Variants in TMEM266 observed in about 807,000 individuals in gnomAD.
TMEM266 encodes Hv1 related protein 1.
Under a neutral mutation model 50.5 loss-of-function variants are expected in TMEM266, and 33 were observed. The ratio of observed to expected loss-of-function variants is 0.65; its 90% CI spans 0.50 to 0.87. The LOEUF (loss-of-function observed/expected upper bound fraction) is 0.87. Among genes scored for constraint, TMEM266 ranks in the 40% least tolerant of loss-of-function variants. The pLI is 0.00. For synonymous variants in TMEM266, 310 were observed against 292.3 expected, an observed-to-expected ratio of 1.06 and a Z score of -0.62; for missense variants, 655 against 695.1, an observed-to-expected ratio of 0.94 and a Z score of 0.65.
chr15:76,099,115 C>T (rs146409697), intron 1 of TMEM266, among the ~76,000 whole-genome samples: 191 of 152,204 alleles, frequency 1.3e-3, no homozygotes, highest in African/African-American at 4.3e-3. Context: ...TCGTTCCAGG[C>T]GCCACTGGGG....
At chr15:76,194,626 G>C (rs1178448009) in intron 9 of TMEM266, among the ~76,000 whole-genome samples, 1 of 152,146 alleles carries the variant, frequency 6.6e-6, no homozygotes, top group African/African-American at 2.4e-5. Flanking sequence ...CTTCCCTCTG[G>C]GGGCTGGGAG....
At chr15:76,190,951 C>G (rs985505079) in intron 8 of TMEM266, among the ~76,000 whole-genome samples, 10 of 152,286 alleles carry the variant, frequency 6.6e-5, no homozygotes, top group African/African-American at 2.2e-4. Context: ...GGTGAAGGCT[C>G]TCCTTCCCGC....
At chr15:76,188,799 A>T (rs1468973115) in intron 8 of TMEM266, among the ~76,000 whole-genome samples, 1 of 152,210 alleles carries the variant, frequency 6.6e-6, no homozygotes, top group Non-Finnish European at 1.5e-5. Flanking sequence ...ATCAAGCATG[A>T]TCACAAATAT....
At chr15:76,106,017 C>T (rs1341327750) in intron 1 of TMEM266, among the ~76,000 whole-genome samples, 1 of 152,148 alleles carries the variant, frequency 6.6e-6, no homozygotes, top group East Asian at 1.9e-4. Flanking sequence ...AAACTGCCAC[C>T]CTGTCTAGCA....
intron 7 of TMEM266, 126 bp from the exon 8 acceptor site, chr15:76,175,433 C>T: frequency 1.5e-6 from 1 of 672,790 alleles, no homozygotes; most frequent in Non-Finnish European, 2.6e-6. Context: ...TGGACATTTC[C>T]CCTTCTAGAT....
At chr15:76,109,899 A>T (rs1041121696) in intron 1 of TMEM266, among the ~76,000 whole-genome samples, 7 of 151,630 alleles carry the variant, frequency 4.6e-5, no homozygotes, top group Non-Finnish European at 1.0e-4. Context: ...GCCTCAAGCG[A>T]TCTTCCTGCC....
At chr15:76,164,503 C>T (rs2957042) in intron 5 of TMEM266, among the ~76,000 whole-genome samples, 14,191 of 149,538 alleles carry the variant, frequency 0.095, 783 homozygotes, top group Non-Finnish European at 0.13. Context: ...CCACTGTGTC[C>T]AGCCCCAATT....
At chr15:76,179,952 TAAAACAAAAC>T (rs60596277) in intron 8 of TMEM266, among the ~76,000 whole-genome samples, 17 of 152,072 alleles carry the variant, frequency 1.1e-4, no homozygotes, top group African/African-American at 2.4e-4. Flanking sequence ...AGACTGTCTC[TAAAACAAAAC>T]AAAACAAAAC....
At chr15:76,191,916 G>C (rs906002575) in intron 8 of TMEM266, 52 bp from the exon 9 acceptor site, 2 of 1,494,864 alleles carry the variant, frequency 1.3e-6, no homozygotes, top group Non-Finnish European at 8.9e-7. Context: ...CAGGCTGGAG[G>C]CCCCCGCCGG....
At chr15:76,186,247 G>A (rs896321236) in intron 8 of TMEM266, among the ~76,000 whole-genome samples, 1 of 152,082 alleles carries the variant, frequency 6.6e-6, no homozygotes, top group Admixed American at 6.6e-5. Flanking sequence ...CCCACCTCCG[G>A]GCCTCAGTTC....
chr15:76,086,245 T>G (rs1354716908), intron 1 of TMEM266, among the ~76,000 whole-genome samples: 2 of 152,248 alleles, frequency 1.3e-5, no homozygotes, highest in Admixed American at 6.5e-5. Context: ...TCAGACATTA[T>G]GTTGAGCTGA....
intron 8 of TMEM266, chr15:76,176,122 G>A (rs973430149): frequency 1.9e-5 from 3 of 162,142 alleles, no homozygotes; most frequent in African/African-American, 7.2e-5. Context: ...TCCAGGAGAT[G>A]TGATGCAGAC....
At chr15:76,136,922 C>G (rs540359054) in intron 2 of TMEM266, among the ~76,000 whole-genome samples, 1 of 152,288 alleles carries the variant, frequency 6.6e-6, no homozygotes, top group Non-Finnish European at 1.5e-5. Flanking sequence ...TGCCAAATAT[C>G]CCCTGGTAGA....
At chr15:76,125,520 A>G (rs1427371384) in intron 1 of TMEM266, among the ~76,000 whole-genome samples, 1 of 152,002 alleles carries the variant, frequency 6.6e-6, no homozygotes, top group East Asian at 1.9e-4. Context: ...AATATATAAT[A>G]TATAAGGAAC....
At position 76,144,544 on chromosome 15, in the gene TMEM266, C is replaced by T. The variant is rs552036883; in HGVS notation, c.227+6649C>T. Among the ~76,000 whole-genome samples the T allele has an allele frequency of 5.9e-5, 9 of 152,332 alleles. No homozygotes were observed. The East Asian group carries it at 1.5e-3, about 26-fold the overall frequency. ...CATGCAGAGTGAGGAAGGAAAGCTA[C>T]CCCCATGCCAAGCCTGTACCATGCT... is the stretch of plus-strand genomic sequence containing the variant. On this transcript the variant is annotated intron_variant, in intron 3 of 10. Transcript: ENST00000388942.
chr15:76,191,945 G>T, intron 8 of TMEM266, 23 bp from the exon 9 acceptor site: 4 of 1,566,872 alleles, frequency 2.6e-6, no homozygotes, highest in Non-Finnish European at 3.4e-6. Flanking sequence ...CGCTGATTCA[G>T]CCTTGCCCGT....
intron 1 of TMEM266, among the ~76,000 whole-genome samples, chr15:76,076,963 G>A (rs1226819791): frequency 6.6e-6 from 1 of 151,798 alleles, no homozygotes; most frequent in Non-Finnish European, 1.5e-5. Context: ...GTTTGTTGTT[G>A]TTGTTGTTGT....
chr15:76,160,097 T>G lies in TMEM266; in HGVS notation c.385T>G (p.Ser129Ala). ...GGTCCTTATCGTGTCCATTGCAGTT[T>G]CCAGCGCATTCCAGTTTGCTGGCGT... is the stretch of plus-strand genomic sequence containing the variant. The change falls in exon 5 of 11, where the codon TCC (serine) becomes GCC (alanine). Residue 129 changes from serine (S) to alanine (A), a missense_variant and splice_region_variant. By Grantham distance (99) the Ser-to-Ala change is moderately conservative (BLOSUM62 1). Coordinates refer to ENST00000388942, the MANE Select transcript of TMEM266 (RefSeq NM_152335.3). This position sits in a 1 kb window ranked among gnomAD's most constrained non-coding sequence, Gnocchi z 5.7. 1.2e-6 allele frequency: 2 copies of G among 1,614,172 alleles called. No homozygotes were observed. Among genetic ancestry groups the G allele is most frequent in the Non-Finnish European group, 1.7e-6 (2 of 1,179,992 alleles).
chr15:76,093,625 A>G (rs1457983012), intron 1 of TMEM266, among the ~76,000 whole-genome samples: 3 of 152,074 alleles, frequency 2.0e-5, no homozygotes, highest in African/African-American at 7.2e-5. Context: ...TTGGGTATAT[A>G]CCCAGTAATG....
Sources: allele counts gnomAD v4.1 joint callset (sites outside exome capture counted in the v4.1 genomes callset), GRCh38; gene constraint gnomAD v4.1.1; non-coding constraint Gnocchi (gnomAD v3.1); transcripts MANE v1.5; gene names NCBI Gene and HGNC (gene_info 2026-07-23, HGNC 2026-07-21).